The following COMMD7 variants were observed in gnomAD, a reference collection of about 807,000 sequenced individuals.
The protein encoded by COMMD7 is COMM domain containing 7.
A neutral mutation model predicts 34.8 loss-of-function variants in COMMD7; 28 were observed. That is an observed-to-expected ratio of 0.80 (90% CI 0.60 to 1.10). The LOEUF (loss-of-function observed/expected upper bound fraction) is 1.10. Among genes scored for constraint, COMMD7 ranks in the 50% least tolerant of loss-of-function variants. COMMD7 has a pLI of 0.00. For missense variants in COMMD7, 211 were observed against 241.6 expected (o/e 0.87, Z 0.84); for synonymous variants, 80 against 86.4 (o/e 0.93, Z 0.41).
At position 32,723,221 on chromosome 20, in the gene COMMD7, T is replaced by C. The variant is rs1237579947; in HGVS notation, c.241+4672A>G. Among the ~76,000 whole-genome samples, 4 of 44,144 alleles carry C rather than the reference T, an allele frequency of 9.1e-5. 1 individual carries two copies. Among genetic ancestry groups the C allele is most frequent in the East Asian group, 7.9e-4 (2 of 2,520 alleles). 29.0% of individuals were successfully genotyped at this position (44,144 alleles called of 152,430 possible). A position where few individuals can be genotyped will look rare whatever the true frequency, so the allele number is the denominator to read the frequency against. Reference sequence around the variant, plus strand: ...CCGAAGCTGGACTGTACTGCTGCCATCTCGGCTCACTGCAACCTCCCTGCC... The same window carrying C: ...CCGAAGCTGGACTGTACTGCTGCCACCTCGGCTCACTGCAACCTCCCTGCC... On this transcript the variant is annotated intron_variant, in intron 3 of 8. Coordinates refer to ENST00000278980, the MANE Select transcript of COMMD7 (RefSeq NM_053041.3).
intron 3 of COMMD7, among the ~76,000 whole-genome samples, chr20:32,721,861 C>A (rs530807576): frequency 6.7e-6 from 1 of 149,628 alleles, no homozygotes; most frequent in South Asian, 2.1e-4. Flanking sequence ...CATGCTACTG[C>A]GCTCCAGCCT....
In COMMD7 at chr20:32,722,246, GAAA is replaced by G. The variant is rs747223357; in HGVS notation, c.241+5644_241+5646del. ...GGTGACAAGAGCAAAACTCTGTCTCGAAAAAAAAAAAAAAAAAAAAAAGGATAC... is the reference window on the plus strand; with the variant it reads ...GGTGACAAGAGCAAAACTCTGTCTCGAAAAAAAAAAAAAAAAAAAGGATAC... On this transcript the variant is annotated intron_variant, in intron 3 of 8. Transcript: ENST00000278980. 1.1e-3 allele frequency among the ~76,000 whole-genome samples: 39 copies of G among 37,016 alleles called. No individual in the cohort carries two copies. In the Admixed American group the frequency reaches 0.014, roughly 13 times the overall value. 24.3% of individuals were successfully genotyped at this position (37,016 alleles called of 152,430 possible).
intron 3 of COMMD7, among the ~76,000 whole-genome samples, chr20:32,714,049 G>T (rs1984626240): frequency 6.6e-6 from 1 of 152,116 alleles, no homozygotes; most frequent in Non-Finnish European, 1.5e-5. Context: ...GGAGGTGGAG[G>T]CTGCAGTGAG....
intron 8 of COMMD7, 192 bp from the exon 9 acceptor site, chr20:32,703,650 A>G (rs1384689505): frequency 2.8e-6 from 4 of 1,436,866 alleles, no homozygotes; most frequent in Non-Finnish European, 3.6e-6. Flanking sequence ...CCAAAGGAAA[A>G]AAAAGGGGAG....
At chr20:32,715,009 C>CA (rs1307474444) in intron 3 of COMMD7, among the ~76,000 whole-genome samples, 5 of 147,126 alleles carry the variant, frequency 3.4e-5, no homozygotes, top group African/African-American at 7.7e-5. Flanking sequence ...GACTCTGTCT[C>CA]AAAAAAATAA....
At position 32,703,227 on chromosome 20, in the gene COMMD7, C is replaced by T; in HGVS notation, c.*155G>A. Reference sequence around the variant, plus strand: ...TGGGCTCTTTCAGTACTTAATCCTGCTGTTTTTCAGAAACCCTTTGCACCT... The same window carrying T: ...TGGGCTCTTTCAGTACTTAATCCTGTTGTTTTTCAGAAACCCTTTGCACCT... On this transcript the variant is annotated 3_prime_UTR_variant, in exon 9 of 9. Transcript: ENST00000278980. 1 of 610,490 alleles carries T rather than the reference C, an allele frequency of 1.6e-6. No individual in the cohort carries two copies. Among genetic ancestry groups the T allele is most frequent in the Non-Finnish European group, 2.8e-6 (1 of 350,990 alleles). 37.8% of individuals were successfully genotyped at this position (610,490 alleles called of 1,614,324 possible).
chr20:32,717,971 C>A (rs1405419763), intron 3 of COMMD7, among the ~76,000 whole-genome samples: 1 of 151,698 alleles, frequency 6.6e-6, no homozygotes, highest in Admixed American at 6.6e-5. Context: ...TGCCTGTAAT[C>A]CCAGCTACTC....
intron 1 of COMMD7, among the ~76,000 whole-genome samples, chr20:32,732,666 C>A (rs1285075415): frequency 6.6e-6 from 1 of 152,078 alleles, no homozygotes; most frequent in African/African-American, 2.4e-5. Context: ...ATGGCTCAAG[C>A]CTGTAATCCC....
chr20:32,706,842 T>C, intron 3 of COMMD7, 82 bp from the exon 4 acceptor site: 1 of 1,154,916 alleles, frequency 8.7e-7, no homozygotes, highest in Admixed American at 1.8e-5. Flanking sequence ...ACAACCTATG[T>C]GACCTAAAGG....
chr20:32,721,767 G>A (rs984595256), intron 3 of COMMD7, among the ~76,000 whole-genome samples: 2 of 152,042 alleles, frequency 1.3e-5, no homozygotes, highest in African/African-American at 4.8e-5. Context: ...GTGGTGGTGG[G>A]TGCCTGTAAT....
intron 5 of COMMD7, 148 bp downstream of exon 5, chr20:32,706,435 C>G: frequency 3.2e-6 from 2 of 630,344 alleles, no homozygotes; most frequent in Non-Finnish European, 5.6e-6. Context: ...ATCACTTGAA[C>G]CCGAGAGGCA....
Position 32,703,241 on chromosome 20 carries a change from C to T in COMMD7, c.*141G>A, listed in dbSNP as rs1983855028. 1 of 679,626 alleles carries T rather than the reference C, an allele frequency of 1.5e-6. No homozygotes were observed. Among genetic ancestry groups the T allele is most frequent in the East Asian group, 2.7e-5 (1 of 37,426 alleles). 42.1% of individuals were successfully genotyped at this position (679,626 alleles called of 1,614,324 possible). Reference sequence around the variant, plus strand: ...ACTTAATCCTGCTGTTTTTCAGAAACCCTTTGCACCTGGGCCCCATGGAGC... The same window carrying T: ...ACTTAATCCTGCTGTTTTTCAGAAATCCTTTGCACCTGGGCCCCATGGAGC... On this transcript the variant is annotated 3_prime_UTR_variant, in exon 9 of 9. Coordinates refer to ENST00000278980, the MANE Select transcript of COMMD7 (RefSeq NM_053041.3).
At chr20:32,736,707 C>A (rs969584007) in intron 1 of COMMD7, among the ~76,000 whole-genome samples, 4 of 151,206 alleles carry the variant, frequency 2.6e-5, no homozygotes, top group African/African-American at 4.9e-5. Flanking sequence ...ACAAAAAAAA[C>A]CAATAAAGGT....
rs1481559188 is a variant in COMMD7, at chr20:32,743,385, G to C, written c.7C>G (p.Arg3Gly). 2 of 1,401,006 alleles carry C rather than the reference G, an allele frequency of 1.4e-6. No homozygotes were observed. The highest frequency in any genetic ancestry group is 6.2e-5 in the East Asian group (2 of 32,302). 86.8% of individuals were successfully genotyped at this position (1,401,006 alleles called of 1,614,324 possible). ...ACCGGGTCCTCAGTGCAGTGCAGGC[G>C]GCCCATGGCGCGCGCCCCAGCCCCG... Reference protein sequence around the residue: MGRLHCTEDPVPE... With the variant: MGGLHCTEDPVPE... Residue 3 changes from arginine to glycine, a missense_variant, in exon 1 of 9, where the codon CGC becomes GGC. Physicochemically the swap from Arg to Gly is moderately radical, Grantham distance 125 (BLOSUM62 -2). Coordinates refer to ENST00000278980, the MANE Select transcript of COMMD7 (RefSeq NM_053041.3).
At chr20:32,728,927 A>G (rs1479449333) in intron 1 of COMMD7, among the ~76,000 whole-genome samples, 16 of 152,008 alleles carry the variant, frequency 1.1e-4, no homozygotes, top group Non-Finnish European at 1.5e-5. Context: ...ACAACAATAA[A>G]CTGTAACACT....
chr20:32,725,896 A>G (rs1437852856), intron 3 of COMMD7, among the ~76,000 whole-genome samples: 1 of 151,146 alleles, frequency 6.6e-6, no homozygotes, highest in Non-Finnish European at 1.5e-5. Flanking sequence ...ACAAATAATA[A>G]TAATAATAAT....
intron 3 of COMMD7, among the ~76,000 whole-genome samples, chr20:32,714,705 T>G (rs1296257250): frequency 6.6e-6 from 1 of 151,970 alleles, no homozygotes; most frequent in East Asian, 1.9e-4. Context: ...ATGGCTGTAG[T>G]CCCAGCTACT....
chr20:32,726,297 T>TGAG (rs1177711675), intron 3 of COMMD7, among the ~76,000 whole-genome samples: 3 of 152,050 alleles, frequency 2.0e-5, no homozygotes, highest in Non-Finnish European at 2.9e-5. Flanking sequence ...CTCGGGAGGC[T>TGAG]GAGGCAGGAG....
At position 32,704,039 on chromosome 20, in the gene COMMD7, G is replaced by A. The variant is rs551441626; in HGVS notation, c.510C>T (p.Thr170=). ...CAGACTCACCTATATACACATTTTC[G>A]GTTTGATTTCCTTTCTTAACCACCA... ...LKLVVKKGNQ[T]ENVYIELTLP... is the part of the protein sequence containing the mutation. The change falls in exon 8 of 9, where the codon ACC becomes ACT. Residue 170 remains threonine, a synonymous_variant. Coordinates refer to ENST00000278980, the MANE Select transcript of COMMD7 (RefSeq NM_053041.3). 39 of 1,610,436 alleles carry A rather than the reference G, an allele frequency of 2.4e-5. No individual in the cohort carries two copies. The highest frequency in any genetic ancestry group is 4.4e-5 in the South Asian group (4 of 89,956).
Sources: allele counts gnomAD v4.1 joint callset (sites outside exome capture counted in the v4.1 genomes callset), GRCh38; gene constraint gnomAD v4.1.1; transcripts MANE v1.5; gene names NCBI Gene and HGNC (gene_info 2026-07-23, HGNC 2026-07-21).